FAM25C: variants seen among roughly 807,000 people sequenced by gnomAD.
The protein encoded by FAM25C is protein FAM25C.
Under a neutral mutation model 9.6 loss-of-function variants are expected in FAM25C, and 4 were observed. That is an observed-to-expected ratio of 0.42 (90% CI 0.20 to 0.95). The LOEUF (loss-of-function observed/expected upper bound fraction) is 0.95. FAM25C is among the 40% of genes least tolerant of loss of function. The probability of loss-of-function intolerance (pLI) is 0.31; values close to 1 mark genes in which losing one functional copy is unlikely to be tolerated. For synonymous variants in FAM25C, 23 were observed against 44.1 expected, an observed-to-expected ratio of 0.52 and a Z score of 1.89; for missense variants, 38 against 110.4, an observed-to-expected ratio of 0.34 and a Z score of 2.94.
intron 2 of FAM25C, among the ~76,000 whole-genome samples, chr10:47,997,411 G>A (rs1842818049): frequency 6.6e-6 from 1 of 151,862 alleles, no homozygotes; most frequent in African/African-American, 2.4e-5. Context: ...GCCCTGCCAT[G>A]TTAAATGTTT....
In FAM25C at chr10:47,997,708, C is replaced by A; in HGVS notation, c.105G>T (p.Val35=). 6.6e-7 allele frequency: 1 copy of A among 1,519,358 alleles called. No homozygotes were observed. The highest frequency in any genetic ancestry group is 1.2e-5 in the South Asian group (1 of 83,344). The allele number at this position is 1,519,358 out of a possible 1,614,324, so 94.1% of individuals were successfully genotyped here. A position where few individuals can be genotyped will look rare whatever the true frequency, so the allele number is the denominator to read the frequency against. Reference sequence around the variant, plus strand: ...CTCCAGTCTCCTTGGCATGTCCCACCACCTCCTTCACCACTTCCTCCACGG... The same window carrying A: ...CTCCAGTCTCCTTGGCATGTCCCACAACCTCCTTCACCACTTCCTCCACGG... ...IHAVEEVVKE[V]VGHAKETGEK... is the part of the protein sequence containing the mutation. The change falls in exon 2 of 3, where the codon GTG becomes GTT. Residue 35 remains valine, a synonymous_variant. Transcript: ENST00000617224.
In FAM25C at chr10:47,997,155, C is replaced by G. The variant is rs545055043; in HGVS notation, c.136+522G>C. ...ACCGAGTTTCGCTCTGTAGCCCAGG[C>G]TGGAGTGCAGTGGCATGATCTAGGC... On this transcript the variant is annotated intron_variant, in intron 2 of 2. Transcript: ENST00000617224. Among the ~76,000 whole-genome samples the G allele has an allele frequency of 1.5e-3, 226 of 145,980 alleles. 2 individuals are homozygous for G. The highest frequency in any genetic ancestry group is 5.5e-3 in the African/African-American group (216 of 39,308).
At chr10:47,995,648 A>T (rs1206633000) in intron 2 of FAM25C, 137 bp from the exon 3 acceptor site, 1 of 786,298 alleles carries the variant, frequency 1.3e-6, no homozygotes, top group Non-Finnish European at 2.0e-6. Flanking sequence ...CAGCAGGATT[A>T]CTGCAGAATG....
chr10:47,995,933 T>C lies in FAM25C; in HGVS notation c.137-422A>G, dbSNP rs554477637. On this transcript the variant is annotated intron_variant, in intron 2 of 2. Coordinates refer to ENST00000617224, the MANE Select transcript of FAM25C (RefSeq NM_001137548.3). ...TCAGTTTTGGATTGTCAAATTTACT[T>C]AATATTTCCTTTATGGCGCTGATTT... Among the ~76,000 whole-genome samples, 9 of 151,004 alleles carry C rather than the reference T, an allele frequency of 6.0e-5. 1 individual carries two copies. Among genetic ancestry groups the C allele is most frequent in the South Asian group, 4.2e-4 (2 of 4,758 alleles).
rs531044450 is a variant in FAM25C at position 47,997,459 on chromosome 10, GTCT to G, written c.136+215_136+217del. Among the ~76,000 whole-genome samples, 9 of 151,874 alleles carry G rather than the reference GTCT, an allele frequency of 5.9e-5. No homozygotes were observed. The South Asian group carries it at 1.9e-3, about 32-fold the overall frequency. On this transcript the variant is annotated intron_variant, in intron 2 of 2. Transcript: ENST00000617224. ...CTGTCACATAGTCTTGTGTGACTTT[GTCT>G]TCTTATTCCACAGAGAGAACCATCT...
At chr10:47,998,716 C>CCTCAGCTTTTCTCCCAACA (rs369752705) in intron 1 of FAM25C, among the ~76,000 whole-genome samples, 2 of 138,692 alleles carry the variant, frequency 1.4e-5, no homozygotes, top group Admixed American at 7.2e-5. Flanking sequence ...GCAAGCCCTG[C>CCTCAGCTTTTCTCCCAACA]CTCAGCTTTT....
chr10:47,997,449 G>A (rs1311566280), intron 2 of FAM25C, among the ~76,000 whole-genome samples: 2 of 151,742 alleles, frequency 1.3e-5, no homozygotes. Flanking sequence ...ACATAGTCTT[G>A]TGTGACTTTG....
In FAM25C at chr10:47,995,828, A is replaced by T. The variant is rs556961371; in HGVS notation, c.137-317T>A. 3.2e-3 allele frequency among the ~76,000 whole-genome samples: 472 copies of T among 146,868 alleles called. 1 individual carries two copies. Among genetic ancestry groups the T allele is most frequent in the African/African-American group, 0.011 (448 of 40,114 alleles). On this transcript the variant is annotated intron_variant, in intron 2 of 2. Coordinates refer to ENST00000617224, the MANE Select transcript of FAM25C (RefSeq NM_001137548.3). ...GTTGTTATATTGGATTATCATTTTT[A>T]TGACAAATATTTTTCATCAGTGTAT...
At chr10:47,998,193 A>T (rs1842831930) in intron 1 of FAM25C, among the ~76,000 whole-genome samples, 1 of 151,212 alleles carries the variant, frequency 6.6e-6, no homozygotes, top group Non-Finnish European at 1.5e-5. Flanking sequence ...CCCTCTCAGG[A>T]TGTGCTAGCG....
At chr10:47,997,179 G>A (rs1278076100) in intron 2 of FAM25C, among the ~76,000 whole-genome samples, 2 of 146,202 alleles carry the variant, frequency 1.4e-5, no homozygotes, top group Non-Finnish European at 3.0e-5. Flanking sequence ...CATGATCTAG[G>A]CTCACTGCAA....
intron 2 of FAM25C, among the ~76,000 whole-genome samples, chr10:47,996,978 C>T (rs1461339532): frequency 7.8e-5 from 11 of 141,092 alleles, no homozygotes; most frequent in African/African-American, 2.9e-4. Flanking sequence ...ACTACAGGTG[C>T]CCGCCACCGT....
chr10:47,995,568 C>T (rs1555256386), intron 2 of FAM25C, 57 bp from the exon 3 acceptor site: 1 of 1,528,998 alleles, frequency 6.5e-7, no homozygotes, highest in Admixed American at 2.0e-5. Context: ...ACTTGTGTCC[C>T]CTTGAGTGGC....
rs1353328641 is a variant in FAM25C at position 47,995,352 on chromosome 10, G to C, written c.*26C>G. 2 of 1,453,408 alleles carry C rather than the reference G, an allele frequency of 1.4e-6. No individual in the cohort carries two copies. The highest frequency in any genetic ancestry group is 2.8e-5 in the African/African-American group (2 of 70,498). The allele number at this position is 1,453,408 out of a possible 1,614,324, so 90.0% of individuals were successfully genotyped here. On this transcript the variant is annotated 3_prime_UTR_variant, in exon 3 of 3. Transcript: ENST00000617224. ...ATGTCATGGCTTTTTATTGAGACTG[G>C]GGAAGGGCCGTGGTAGCAGGTGCAC...
chr10:47,997,437 T>C (rs1423642917), intron 2 of FAM25C, among the ~76,000 whole-genome samples: 3 of 151,860 alleles, frequency 2.0e-5, no homozygotes, highest in Non-Finnish European at 4.4e-5. Flanking sequence ...CAGTGTGCTG[T>C]CACATAGTCT....
At chr10:47,998,612 T>C (rs1284602005) in intron 1 of FAM25C, among the ~76,000 whole-genome samples, 1 of 100,942 alleles carries the variant, frequency 9.9e-6, no homozygotes, top group East Asian at 2.5e-4. Flanking sequence ...GGTGAGGATG[T>C]GGAGGTTGAA....
At chr10:47,997,113 C>T (rs1440953542) in intron 2 of FAM25C, among the ~76,000 whole-genome samples, 32 of 146,826 alleles carry the variant, frequency 2.2e-4, no homozygotes, top group Non-Finnish European at 4.2e-4. Context: ...GCCACCGCCC[C>T]CAGCAATTTT....
At chr10:47,997,098 C>T (rs1247081431) in intron 2 of FAM25C, among the ~76,000 whole-genome samples, 9 of 148,716 alleles carry the variant, frequency 6.1e-5, no homozygotes, top group African/African-American at 7.5e-5. Context: ...GGATTACAGG[C>T]GTGAGCCACC....
intron 1 of FAM25C, 56 bp from the exon 2 acceptor site, chr10:47,997,795 A>G: frequency 1.3e-6 from 2 of 1,532,156 alleles, no homozygotes; most frequent in Admixed American, 4.0e-5. Flanking sequence ...GCTGCCCCTG[A>G]GTCCAGGGTG....
At chr10:47,997,360 C>T (rs1158159400) in intron 2 of FAM25C, among the ~76,000 whole-genome samples, 1 of 151,982 alleles carries the variant, frequency 6.6e-6, no homozygotes, top group South Asian at 2.1e-4. Context: ...CCGCCCTCCT[C>T]AGCCTCCCAA....
Sources: allele counts gnomAD v4.1 joint callset (sites outside exome capture counted in the v4.1 genomes callset), GRCh38; gene constraint gnomAD v4.1.1; transcripts MANE v1.5; gene names NCBI Gene and HGNC (gene_info 2026-07-23, HGNC 2026-07-21).